LRGUK: variants seen among roughly 807,000 people sequenced by gnomAD.
The protein encoded by LRGUK is leucine-rich repeat and guanylate kinase domain-containing protein.
LRGUK carries 65 observed loss-of-function variants against 76.0 expected under a neutral mutation model. The observed-to-expected ratio is 0.85, with a 90% CI of 0.70 to 1.05. LRGUK has a LOEUF of 1.05. Ranked by LOEUF, LRGUK falls within the 50% of genes least tolerant of loss-of-function variation. The pLI is 0.00. For synonymous variants in LRGUK, 268 were observed against 265.6 expected (o/e 1.01, Z -0.09); for missense variants, 758 against 732.8 (o/e 1.03, Z -0.40).
chr7:134,229,518 T>G (rs558502176), intron 16 of LRGUK, among the ~76,000 whole-genome samples: 1 of 152,214 alleles, frequency 6.6e-6, no homozygotes, highest in East Asian at 1.9e-4. Flanking sequence ...CTAGAAAAAT[T>G]AAAGACCTAA....
At chr7:134,232,650 AT>A (rs1412366051) in intron 16 of LRGUK, among the ~76,000 whole-genome samples, 2 of 152,184 alleles carry the variant, frequency 1.3e-5, no homozygotes, top group African/African-American at 2.4e-5. Flanking sequence ...TTAGGAAGAA[AT>A]GCCCAAGAAT....
intron 11 of LRGUK, among the ~76,000 whole-genome samples, chr7:134,185,771 G>C (rs973990269): frequency 1.3e-5 from 2 of 152,054 alleles, no homozygotes; most frequent in Non-Finnish European, 2.9e-5. Context: ...AGCTACACAT[G>C]TTCAAACAAT....
intron 18 of LRGUK, among the ~76,000 whole-genome samples, chr7:134,254,942 A>G (rs1802539954): frequency 1.3e-5 from 2 of 152,212 alleles, no homozygotes; most frequent in Admixed American, 6.5e-5. Flanking sequence ...CCAAACTGTA[A>G]GAGTGGCTTT....
chr7:134,249,696 T>C (rs1276592234), intron 18 of LRGUK, among the ~76,000 whole-genome samples: 2 of 152,174 alleles, frequency 1.3e-5, no homozygotes, highest in Non-Finnish European at 2.9e-5. Context: ...TAATATGTCA[T>C]AGTGTGGCTC....
intron 7 of LRGUK, among the ~76,000 whole-genome samples, chr7:134,167,612 G>A (rs542818185): frequency 5.3e-5 from 8 of 152,288 alleles, no homozygotes; most frequent in African/African-American, 1.9e-4. Flanking sequence ...ATAGAGACCA[G>A]CACTCTTAGG....
intron 11 of LRGUK, among the ~76,000 whole-genome samples, chr7:134,187,905 T>C (rs555423068): frequency 6.6e-6 from 1 of 152,340 alleles, no homozygotes; most frequent in East Asian, 1.9e-4. Context: ...TGTTGACTAC[T>C]AAACATATTT....
intron 1 of LRGUK, among the ~76,000 whole-genome samples, chr7:134,135,852 T>TA (rs1249049024): frequency 6.6e-6 from 1 of 152,192 alleles, no homozygotes; most frequent in Non-Finnish European, 1.5e-5. Context: ...GAGACGGGGT[T>TA]TCACCGTGTT....
chr7:134,166,462 G>T (rs1798986599), intron 7 of LRGUK, among the ~76,000 whole-genome samples: 1 of 152,110 alleles, frequency 6.6e-6, no homozygotes, highest in Admixed American at 6.5e-5. Context: ...CAAGATATCA[G>T]TCTGGGAGTG....
chr7:134,168,122 C>T (rs916136070), intron 7 of LRGUK, among the ~76,000 whole-genome samples: 6 of 152,030 alleles, frequency 3.9e-5, no homozygotes, highest in Admixed American at 2.6e-4. Flanking sequence ...CTTTGGGAGG[C>T]CAAGGTAGGC....
At chr7:134,235,445 A>G (rs1280404565) in intron 16 of LRGUK, among the ~76,000 whole-genome samples, 3 of 152,144 alleles carry the variant, frequency 2.0e-5, no homozygotes, top group African/African-American at 7.2e-5. Flanking sequence ...TACCACCTCT[A>G]TGCTGTCTGC....
chr7:134,150,076 A>C (rs573828624), intron 5 of LRGUK, among the ~76,000 whole-genome samples: 75 of 152,112 alleles, frequency 4.9e-4, no homozygotes, highest in African/African-American at 1.6e-3. Context: ...GAGATTGAGA[A>C]CATCCTGGCT....
chr7:134,206,654 G>A (rs397682), intron 15 of LRGUK, among the ~76,000 whole-genome samples: 135,094 of 151,750 alleles, frequency 0.89, 61,490 homozygotes, highest in Non-Finnish European at 0.99. Context: ...TCTAATACCC[G>A]AAGGCTTAAA....
At chr7:134,239,656 T>A (rs1034750937) in intron 16 of LRGUK, among the ~76,000 whole-genome samples, 1 of 152,170 alleles carries the variant, frequency 6.6e-6, no homozygotes, top group Admixed American at 6.5e-5. Context: ...CAGAAGAAAC[T>A]TCTGCAGACT....
In LRGUK at chr7:134,183,664, C is replaced by G. The variant is rs139305933; in HGVS notation, c.1215-70C>G. On this transcript the variant is annotated intron_variant, in intron 10 of 15. Transcript: ENST00000645682. ...CTCATTTAGCCAGGTTAATGGTGGC[C>G]TAATGGATGTAGTTAATGTGCTGTC... 3.8e-4 allele frequency: 607 copies of G among 1,580,410 alleles called. 3 individuals are homozygous for G. The African/African-American group carries it at 7.4e-3, about 19-fold the overall frequency.
chr7:134,231,344 AT>A (rs1427154784), intron 16 of LRGUK, among the ~76,000 whole-genome samples: 1 of 152,172 alleles, frequency 6.6e-6, no homozygotes, highest in South Asian at 2.1e-4. Context: ...ATTGCTATTG[AT>A]CAAGCTTAGA....
downstream of LRGUK, chr7:134,210,347 C>T (rs1330641624): frequency 2.5e-5 from 10 of 398,146 alleles, no homozygotes; most frequent in Admixed American, 4.4e-5. Flanking sequence ...CGCCCCACGC[C>T]GAGCCATCAC....
chr7:134,160,905 T>C (rs1027041120), intron 6 of LRGUK, among the ~76,000 whole-genome samples: 1 of 152,224 alleles, frequency 6.6e-6, no homozygotes, highest in African/African-American at 2.4e-5. Context: ...GAGAGATACA[T>C]TGGTTTTTCA....
At chr7:134,194,496 C>G (rs57427573) in intron 12 of LRGUK, among the ~76,000 whole-genome samples, 1,784 of 152,176 alleles carry the variant, frequency 0.012, 38 homozygotes, top group African/African-American at 0.041. Flanking sequence ...AATCCCAGCA[C>G]TTTGGGAGGC....
chr7:134,221,931 T>C lies in LRGUK; in HGVS notation c.1983+13T>C. On this transcript the variant is annotated intron_variant, in intron 16 of 19. Coordinates refer to the LRGUK transcript ENST00000285928. ...AAAAACACCAGCGGTAAGAGAGGAATAGAAGGGGTGAAGCCACAACTGAGC... is the reference window on the plus strand; with the variant it reads ...AAAAACACCAGCGGTAAGAGAGGAACAGAAGGGGTGAAGCCACAACTGAGC... The C allele has an allele frequency of 6.3e-7, 1 of 1,579,754 alleles. No individual in the cohort carries two copies. The highest frequency in any genetic ancestry group is 8.6e-7 in the Non-Finnish European group (1 of 1,167,210).
Sources: gnomAD v4.1 joint callset for allele counts (sites outside exome capture counted in the v4.1 genomes callset) on GRCh38, gnomAD v4.1.1 for gene constraint, MANE v1.5 for transcripts, NCBI Gene and HGNC (gene_info 2026-07-23, HGNC 2026-07-21) for gene names.